Variants in ZNF33B observed in about 807,000 individuals in gnomAD.
ZNF33B encodes the protein zinc finger protein 33B, also known as zinc finger protein 11b (KOX 2).
A neutral mutation model predicts 45.8 loss-of-function variants in ZNF33B; 29 were observed. The observed-to-expected ratio is 0.63, with a 90% CI of 0.47 to 0.86. The LOEUF (loss-of-function observed/expected upper bound fraction) is 0.86, where lower values mean the gene tolerates loss of function less well. Among genes scored for constraint, ZNF33B ranks in the 40% least tolerant of loss-of-function variants. ZNF33B has a pLI of 0.00. For missense variants in ZNF33B, 831 were observed against 909.9 expected (o/e 0.91, Z 1.12); for synonymous variants, 305 against 307.8 (o/e 0.99, Z 0.10).
intron 4 of ZNF33B, among the ~76,000 whole-genome samples, chr10:42,605,724 T>C (rs1457079184): frequency 6.6e-6 from 1 of 152,184 alleles, no homozygotes; most frequent in African/African-American, 2.4e-5. Context: ...TCCTACCCAA[T>C]TTAATAAGCA....
chr10:42,584,800 C>A (rs192154006), downstream of ZNF33B, among the ~76,000 whole-genome samples: 1 of 152,190 alleles, frequency 6.6e-6, no homozygotes, highest in Admixed American at 6.5e-5. Context: ...GGACTACAGG[C>A]GTGAGCCATT....
At chr10:42,581,480 A>C (rs1345225483) in intron 1 of ZNF33B, 1 of 151,056 alleles carries the variant, frequency 6.6e-6, no homozygotes, top group Non-Finnish European at 1.5e-5. Flanking sequence ...AAAAAAAAAA[A>C]AAAAAAAAAG....
At chr10:42,599,088 T>C (rs1837515890) in intron 4 of ZNF33B, among the ~76,000 whole-genome samples, 1 of 152,192 alleles carries the variant, frequency 6.6e-6, no homozygotes, top group South Asian at 2.1e-4. Flanking sequence ...AAACTGTTCA[T>C]TTCATCAAAA....
In ZNF33B at chr10:42,593,091, T is replaced by G. The variant is rs747868027; in HGVS notation, c.1859A>C (p.Gln620Pro). Residue 620 changes from glutamine (Q) to proline (P), a missense_variant, in exon 5 of 5, where the codon CAG becomes CCG. Physicochemically the swap from Gln to Pro is moderately conservative, Grantham distance 76. Coordinates refer to ENST00000359467, the MANE Select transcript of ZNF33B (RefSeq NM_006955.3). The stretch of plus-strand genomic sequence containing the variant: ...CTGATGCTGAGTGAGTTGTGACTTC[T>G]GGCAGAAGGTTTTTCCACATTCATT... ...ECNECGKTFCQKSQLTQHQRI... is the reference protein window; with the variant it reads ...ECNECGKTFCPKSQLTQHQRI... The G allele has an allele frequency of 5.0e-6, 8 of 1,614,104 alleles. No homozygotes were observed. The highest frequency in any genetic ancestry group is 6.8e-6 in the Non-Finnish European group (8 of 1,179,984).
chr10:42,626,331 T>C (rs750487833), intron 4 of ZNF33B, among the ~76,000 whole-genome samples: 2 of 152,206 alleles, frequency 1.3e-5, no homozygotes, highest in Non-Finnish European at 2.9e-5. Context: ...AGGTCTGTAG[T>C]TTTATTATTT....
At chr10:42,581,346 C>T (rs564299439) in intron 1 of ZNF33B, among the ~76,000 whole-genome samples, 70 of 150,688 alleles carry the variant, frequency 4.6e-4, no homozygotes, top group African/African-American at 1.7e-3. Flanking sequence ...TGCCTGTAAT[C>T]CCAACTACTC....
chr10:42,593,145 G>T lies in ZNF33B; in HGVS notation c.1805C>A (p.Thr602Lys). The T allele has an allele frequency of 6.2e-7, 1 of 1,613,220 alleles. No individual in the cohort carries two copies. Among genetic ancestry groups the T allele is most frequent in the East Asian group, 2.2e-5 (1 of 44,790 alleles). ...NKSYLTKHNR[T>K]HTGEKPYECN... ...TTCATAGGGTTTCTCCCCTGTATGT[G>T]TTCTATTATGTTTTGTTAGGTATGA... The change falls in exon 5 of 5, where the codon ACA becomes AAA. Residue 602 changes from threonine to lysine, a missense_variant. By Grantham distance (78) the Thr-to-Lys change is moderately conservative. Transcript: ENST00000359467.
chr10:42,609,625 A>G (rs2132089808), intron 4 of ZNF33B, among the ~76,000 whole-genome samples: 1 of 152,322 alleles, frequency 6.6e-6, no homozygotes, highest in African/African-American at 2.4e-5. Context: ...TGAAAAAACT[A>G]CAAATGCATG....
intron 1 of ZNF33B, among the ~76,000 whole-genome samples, chr10:42,579,257 G>A (rs1002137576): frequency 6.6e-6 from 1 of 152,142 alleles, no homozygotes; most frequent in African/African-American, 2.4e-5. Flanking sequence ...GTTTTGTTAT[G>A]TGGGTATACT....
At chr10:42,610,495 G>A (rs1171326503) in intron 4 of ZNF33B, among the ~76,000 whole-genome samples, 1 of 152,154 alleles carries the variant, frequency 6.6e-6, no homozygotes, top group African/African-American at 2.4e-5. Flanking sequence ...CCAAGATCGC[G>A]CCATTGCACT....
chr10:42,583,501 A>G, intron 1 of ZNF33B: 1 of 252,652 alleles, frequency 4.0e-6, no homozygotes, highest in Non-Finnish European at 7.9e-6. Context: ...CTTTGTTATG[A>G]GGGTGCTGTC....
chr10:42,638,453 G>A, intron 1 of ZNF33B, 21 bp downstream of exon 1: 1 of 382,566 alleles, frequency 2.6e-6, no homozygotes, highest in Non-Finnish European at 5.2e-6. Flanking sequence ...CTCCGTCCCT[G>A]CCCAACCCGC....
chr10:42,577,399 TCCTA>T (rs1836763531), intron 1 of ZNF33B, among the ~76,000 whole-genome samples: 3 of 152,186 alleles, frequency 2.0e-5, no homozygotes, highest in Non-Finnish European at 4.4e-5. Context: ...AGTCTCTCTT[TCCTA>T]CCGTCTCCTT....
chr10:42,635,069 C>G (rs1484528131), intron 2 of ZNF33B, among the ~76,000 whole-genome samples: 1 of 151,816 alleles, frequency 6.6e-6, no homozygotes, highest in Non-Finnish European at 1.5e-5. Flanking sequence ...CAAGTGAAAC[C>G]CCATCTCTAT....
rs1438962417 is a variant in ZNF33B at position 42,592,913 on chromosome 10, T to G, written c.2037A>C (p.Gly679=). ...ECGKSFCVKS[G]LILHERKHTG... ...TGTGCTTTCTCTCATGTAAAATAAG[T>G]CCTGACTTCACACAGAAAGATTTTC... is the stretch of plus-strand genomic sequence containing the variant. The change falls in exon 5 of 5, where the codon GGA becomes GGC. Residue 679 remains glycine, a synonymous_variant. Coordinates refer to ENST00000359467, the MANE Select transcript of ZNF33B (RefSeq NM_006955.3). 6.2e-7 allele frequency: 1 copy of G among 1,608,856 alleles called. No individual in the cohort carries two copies. Among genetic ancestry groups the G allele is most frequent in the East Asian group, 2.3e-5 (1 of 44,386 alleles).
rs754045473 is a variant in ZNF33B at position 42,593,981 on chromosome 10, A to G, written c.969T>C (p.Asp323=). The change falls in exon 5 of 5, where the codon GAT becomes GAC. Residue 323 remains aspartate, a synonymous_variant. Transcript: ENST00000359467. The part of the protein sequence containing the change: ...KLCLSQLQKG[D]KGEKHFECNE... ...TACATTCAAAGTGTTTCTCTCCTTT[A>G]TCACCTTTCTGAAGCTGTGACAGAC... 1.9e-6 allele frequency: 3 copies of G among 1,614,098 alleles called. No individual in the cohort carries two copies. The highest frequency in any genetic ancestry group is 2.5e-6 in the Non-Finnish European group (3 of 1,179,982).
intron 4 of ZNF33B, among the ~76,000 whole-genome samples, chr10:42,613,267 C>CA (rs1470222733): frequency 1.3e-5 from 2 of 152,184 alleles, no homozygotes; most frequent in East Asian, 3.9e-4. Flanking sequence ...AATGGAAGGC[C>CA]AGGCATGGTG....
intron 2 of ZNF33B, among the ~76,000 whole-genome samples, chr10:42,635,578 G>A (rs553797623): frequency 1.6e-4 from 25 of 152,102 alleles, no homozygotes; most frequent in Non-Finnish European, 1.6e-4. Flanking sequence ...TTGGGAGGCC[G>A]AGGCAGGCAG....
intron 4 of ZNF33B, among the ~76,000 whole-genome samples, chr10:42,618,947 C>T (rs186691086): frequency 2.0e-5 from 3 of 152,172 alleles, no homozygotes; most frequent in Non-Finnish European, 1.5e-5. Flanking sequence ...ACTAAAATGG[C>T]AGTTATTATT....
Sources: allele counts gnomAD v4.1 joint callset (sites outside exome capture counted in the v4.1 genomes callset), GRCh38; gene constraint gnomAD v4.1.1; transcripts MANE v1.5; gene names NCBI Gene and HGNC (gene_info 2026-07-23, HGNC 2026-07-21).